CNTNAP4: variants seen among roughly 807,000 people sequenced by gnomAD.
The protein encoded by CNTNAP4 is contactin associated protein family member 4, also known as contactin-associated protein-like 4.
A neutral mutation model predicts 148.4 loss-of-function variants in CNTNAP4; 98 were observed. That is an observed-to-expected ratio of 0.66 (90% CI 0.56 to 0.78). The LOEUF (loss-of-function observed/expected upper bound fraction) is 0.78, where lower values mean the gene tolerates loss of function less well. CNTNAP4 is among the 30% of genes least tolerant of loss of function. The pLI is 0.00. For missense variants in CNTNAP4, 1,935 were observed against 1,565.6 expected (o/e 1.24, Z -3.98); for synonymous variants, 730 against 565.1 (o/e 1.29, Z -4.14).
At chr16:76,307,099 AC>A (rs1960557293) in intron 1 of CNTNAP4, among the ~76,000 whole-genome samples, 1 of 152,218 alleles carries the variant, frequency 6.6e-6, no homozygotes, top group East Asian at 1.9e-4. Context: ...ATTGAATAAC[AC>A]AAAAAGCATG....
chr16:76,323,204 G>C (rs1348315487), intron 2 of CNTNAP4, among the ~76,000 whole-genome samples: 1 of 151,938 alleles, frequency 6.6e-6, no homozygotes, highest in African/African-American at 2.4e-5. Context: ...TTTAATGTTT[G>C]TTATTAGATT....
chr16:76,470,254 C>T (rs563483956), intron 10 of CNTNAP4, among the ~76,000 whole-genome samples: 2 of 152,106 alleles, frequency 1.3e-5, no homozygotes, highest in Non-Finnish European at 2.9e-5. Context: ...TGCAGCCCCT[C>T]TGGGTGCAAG....
At chr16:76,387,314 G>T (rs2144741212) in intron 3 of CNTNAP4, among the ~76,000 whole-genome samples, 1 of 152,292 alleles carries the variant, frequency 6.6e-6, no homozygotes, top group Admixed American at 6.5e-5. Flanking sequence ...TTATGGTGAG[G>T]ACTGGAACTG....
chr16:76,475,953 A>T lies in CNTNAP4; in HGVS notation c.1670A>T (p.Tyr557Phe), dbSNP rs763339314. Residue 557 changes from tyrosine (Y) to phenylalanine (F), a missense_variant, in exon 11 of 24, where the codon TAT (tyrosine) becomes TTT (phenylalanine). Coordinates refer to ENST00000611870, the MANE Select transcript of CNTNAP4 (RefSeq NM_033401.5). ...CGISDRCLPN[Y>F]CEHGGECSQS... The stretch of plus-strand genomic sequence containing the variant: ...CCTTCTTTTAGGTGTTTGCCCAACT[A>T]TTGTGAACACGGTGGGGAGTGTTCC... 13 of 1,613,656 alleles carry T rather than the reference A, an allele frequency of 8.1e-6. No individual in the cohort carries two copies. Among genetic ancestry groups the T allele is most frequent in the Non-Finnish European group, 1.0e-5 (12 of 1,179,602 alleles).
chr16:76,511,342 G>C (rs1356221131), intron 15 of CNTNAP4, among the ~76,000 whole-genome samples: 5 of 152,268 alleles, frequency 3.3e-5, no homozygotes, highest in Admixed American at 1.3e-4. Flanking sequence ...GCATCGACTA[G>C]TACAGCTGTC....
chr16:76,417,643 AAG>A (rs1312946512), intron 3 of CNTNAP4, among the ~76,000 whole-genome samples: 7 of 151,652 alleles, frequency 4.6e-5, no homozygotes, highest in Non-Finnish European at 8.9e-5. Flanking sequence ...TTCATTAACT[AAG>A]AATAAGAAAA....
At chr16:76,370,444 A>G (rs2014675354) in intron 3 of CNTNAP4, among the ~76,000 whole-genome samples, 1 of 152,126 alleles carries the variant, frequency 6.6e-6, no homozygotes, top group South Asian at 2.1e-4. Context: ...AGCCTTGTAA[A>G]AGGCTCAGCC....
At chr16:76,557,137 A>C (rs1015601764) in intron 23 of CNTNAP4, among the ~76,000 whole-genome samples, 2 of 152,196 alleles carry the variant, frequency 1.3e-5, no homozygotes, top group Non-Finnish European at 2.9e-5. Flanking sequence ...AAAATTCTTT[A>C]AGTATTAGGC....
At chr16:76,490,961 A>G (rs1375086079) in intron 13 of CNTNAP4, among the ~76,000 whole-genome samples, 1 of 152,200 alleles carries the variant, frequency 6.6e-6, no homozygotes, top group Non-Finnish European at 1.5e-5. Context: ...AAAATTTAAA[A>G]AGAAATTTGT....
rs1387276581 is a variant in CNTNAP4, at chr16:76,553,265, G to A, written c.3443-18G>A. On this transcript the variant is annotated intron_variant, in intron 21 of 23. Coordinates refer to ENST00000611870, the MANE Select transcript of CNTNAP4 (RefSeq NM_033401.5). ...CACTTTTCACTACTAATATTTCGGT[G>A]TTTCTTTGAATTTCTAGAACACAGT... 6.5e-7 allele frequency: 1 copy of A among 1,527,152 alleles called. No individual in the cohort carries two copies. Among genetic ancestry groups the A allele is most frequent in the African/African-American group, 1.4e-5 (1 of 73,396 alleles). The allele number at this position is 1,527,152 out of a possible 1,614,324, so 94.6% of individuals were successfully genotyped here.
chr16:76,530,160 T>C (rs1210004515), intron 17 of CNTNAP4, among the ~76,000 whole-genome samples: 2 of 152,158 alleles, frequency 1.3e-5, no homozygotes, highest in Non-Finnish European at 2.9e-5. Context: ...ATATTGTTAA[T>C]AGTGTCTTTG....
At chr16:76,359,087 T>C (rs2013079027) in intron 3 of CNTNAP4, among the ~76,000 whole-genome samples, 1 of 152,234 alleles carries the variant, frequency 6.6e-6, no homozygotes, top group Non-Finnish European at 1.5e-5. Context: ...CACTTCAATT[T>C]GCATTTTTTA....
intron 15 of CNTNAP4, among the ~76,000 whole-genome samples, chr16:76,502,063 C>G (rs941456073): frequency 1.3e-4 from 19 of 142,026 alleles, no homozygotes; most frequent in African/African-American, 4.9e-4. Context: ...AGCGAGACTC[C>G]GTCTCAAAAA....
chr16:76,426,857 T>G (rs2079422607), intron 3 of CNTNAP4, among the ~76,000 whole-genome samples: 1 of 152,218 alleles, frequency 6.6e-6, no homozygotes, highest in Non-Finnish European at 1.5e-5. Flanking sequence ...TTCCAAATTA[T>G]TATTGCTTCC....
intron 3 of CNTNAP4, among the ~76,000 whole-genome samples, chr16:76,372,787 G>T (rs992231314): frequency 8.6e-5 from 13 of 152,022 alleles, no homozygotes; most frequent in Non-Finnish European, 5.9e-5. Context: ...TAATACATTG[G>T]CCTGGTTTCG....
At chr16:76,483,776 A>T (rs1396955710) in intron 12 of CNTNAP4, among the ~76,000 whole-genome samples, 1 of 152,186 alleles carries the variant, frequency 6.6e-6, no homozygotes, top group Non-Finnish European at 1.5e-5. Context: ...CTAACGGGGT[A>T]TGTGAATGTC....
At chr16:76,327,787 C>A (rs948128032) in intron 2 of CNTNAP4, among the ~76,000 whole-genome samples, 1 of 152,220 alleles carries the variant, frequency 6.6e-6, no homozygotes, top group African/African-American at 2.4e-5. Context: ...CAGAAACTTT[C>A]TGCTTTTGTT....
intron 17 of CNTNAP4, among the ~76,000 whole-genome samples, chr16:76,531,787 C>A (rs573065271): frequency 3.3e-5 from 5 of 152,228 alleles, no homozygotes; most frequent in African/African-American, 1.2e-4. Flanking sequence ...AGGAAAAATT[C>A]TAAATACATG....
chr16:76,307,646 G>T (rs937986789), intron 1 of CNTNAP4, among the ~76,000 whole-genome samples: 12 of 151,344 alleles, frequency 7.9e-5, no homozygotes, highest in Admixed American at 2.6e-4. Context: ...GTCAATAAAA[G>T]TCTGTAATGT....
Sources: gnomAD v4.1 joint callset for allele counts (sites outside exome capture counted in the v4.1 genomes callset) on GRCh38, gnomAD v4.1.1 for gene constraint, MANE v1.5 for transcripts, NCBI Gene and HGNC (gene_info 2026-07-23, HGNC 2026-07-21) for gene names.